Variants in MTHFD2 observed in about 807,000 individuals in gnomAD.
The protein encoded by MTHFD2 is methylenetetrahydrofolate dehydrogenase (NADP+ dependent) 2, methenyltetrahydrofolate cyclohydrolase.
Under a neutral mutation model 36.8 loss-of-function variants are expected in MTHFD2, and 26 were observed. The ratio of observed to expected loss-of-function variants is 0.71; its 90% CI spans 0.52 to 0.98. The LOEUF (loss-of-function observed/expected upper bound fraction) is 0.98. MTHFD2 is among the 50% of genes least tolerant of loss of function. The pLI, the probability that MTHFD2 is intolerant of heterozygous loss-of-function variation, is 0.00. For synonymous variants in MTHFD2, 164 were observed against 155.2 expected, an observed-to-expected ratio of 1.06 and a Z score of -0.42; for missense variants, 373 against 434.0, an observed-to-expected ratio of 0.86 and a Z score of 1.25.
rs1558853805 is a variant in MTHFD2, at chr2:74,205,713, CTGT to C, written c.114_116del (p.Val39del). 1 of 1,613,550 alleles carries C rather than the reference CTGT, an allele frequency of 6.2e-7. No individual in the cohort carries two copies. Among genetic ancestry groups the C allele is most frequent in the Non-Finnish European group, 8.5e-7 (1 of 1,179,926 alleles). On this transcript the variant is annotated inframe_deletion, in exon 2 of 8. Transcript: ENST00000394053. The stretch of plus-strand genomic sequence containing the variant: ...TCTGTTGCCTTCTGCAGAAATGAAG[CTGT>C]TGTCATTTCTGGAAGGAAACTGGCC...
chr2:74,211,093 A>G (rs1694295113), intron 5 of MTHFD2, 106 bp from the exon 6 acceptor site: 3 of 764,378 alleles, frequency 3.9e-6, no homozygotes, highest in Non-Finnish European at 6.7e-6. Flanking sequence ...CCGTAAGTCA[A>G]TTATTTTTCA....
At chr2:74,201,523 ATT>A (rs56236601) in intron 1 of MTHFD2, among the ~76,000 whole-genome samples, 1 of 145,886 alleles carries the variant, frequency 6.9e-6, no homozygotes, top group Non-Finnish European at 1.5e-5. Context: ...TGCCTGGCTA[ATT>A]TTTTTTTTTT....
intron 1 of MTHFD2, among the ~76,000 whole-genome samples, chr2:74,199,707 CAAAAAAAA>C (rs34436782): frequency 9.6e-6 from 1 of 103,630 alleles, no homozygotes; most frequent in Non-Finnish European, 2.0e-5. Context: ...GACCCTGTCT[CAAAAAAAA>C]AAAAAAAAAA....
At chr2:74,210,558 T>C (rs910940661) in intron 5 of MTHFD2, among the ~76,000 whole-genome samples, 2 of 152,244 alleles carry the variant, frequency 1.3e-5, no homozygotes, top group African/African-American at 4.8e-5. Context: ...TACTTTCAAC[T>C]ATCTTTCAAC....
chr2:74,206,322 T>G (rs1334159256), intron 2 of MTHFD2: 1 of 154,582 alleles, frequency 6.5e-6, no homozygotes, highest in Non-Finnish European at 1.4e-5. Flanking sequence ...AGTCGTAGAT[T>G]TGAAGGAAAT....
chr2:74,211,572 A>G (rs1239436984), intron 6 of MTHFD2, 169 bp from the exon 7 acceptor site: 1 of 626,902 alleles, frequency 1.6e-6, no homozygotes, highest in East Asian at 3.3e-5. Flanking sequence ...GTCAGGAGCC[A>G]AAATAAAAAA....
chr2:74,211,980 C>G, intron 7 of MTHFD2, 114 bp downstream of exon 7: 1 of 867,652 alleles, frequency 1.2e-6, no homozygotes, highest in Non-Finnish European at 1.5e-6. Context: ...ATGGGAGTCT[C>G]ACTCTGTTGC....
At position 74,214,059 on chromosome 2, in the gene MTHFD2, C is replaced by T; in HGVS notation, c.890-20C>T. 1 of 1,608,152 alleles carries T rather than the reference C, an allele frequency of 6.2e-7. No individual in the cohort carries two copies. Among genetic ancestry groups the T allele is most frequent in the Non-Finnish European group, 8.5e-7 (1 of 1,177,056 alleles). ...CCTTTGCCATAACTAAAGCAGCCTG[C>T]CTGTCTTGTTTCTATGTAGGAGTCA... is the stretch of plus-strand genomic sequence containing the variant. On this transcript the variant is annotated intron_variant, in intron 7 of 7. Transcript: ENST00000394053.
rs927606355 is a variant in MTHFD2, at chr2:74,205,869, C to T, written c.266C>T (p.Thr89Ile). The T allele has an allele frequency of 2.5e-6, 4 of 1,613,530 alleles. No homozygotes were observed. Among genetic ancestry groups the T allele is most frequent in the Non-Finnish European group, 2.5e-6 (3 of 1,179,866 alleles). ...AGTCACTCCTATGTCCTCAACAAAA[C>T]CAGGGCAGCTGCAGTTGTGGGTATG... ...PASHSYVLNK[T>I]RAAAVVGINS... Residue 89 changes from threonine (T) to isoleucine (I), a missense_variant, in exon 2 of 8, where the codon ACC becomes ATC. Around this residue, in one of 2 missense-constraint regions of MTHFD2, gnomAD observed 308 missense variants for 397.8 expected, o/e 0.77. Transcript: ENST00000394053.
chr2:74,213,968 T>G, intron 7 of MTHFD2, 111 bp from the exon 8 acceptor site: 1 of 1,220,008 alleles, frequency 8.2e-7, no homozygotes. Context: ...TTTTTGAGTT[T>G]TATGCTTATG....
chr2:74,199,290 G>A (rs1693984096), intron 1 of MTHFD2, among the ~76,000 whole-genome samples: 1 of 152,112 alleles, frequency 6.6e-6, no homozygotes, highest in Non-Finnish European at 1.5e-5. Context: ...GGCCCGCGCT[G>A]CCTCCGCTCT....
At chr2:74,208,883 GTTTTT>G (rs1050963711) in intron 4 of MTHFD2, among the ~76,000 whole-genome samples, 162 bp downstream of exon 4, 1 of 150,044 alleles carries the variant, frequency 6.7e-6, no homozygotes, top group Non-Finnish European at 1.5e-5. Context: ...TTTGTTTTTT[GTTTTT>G]TTTGAGACAG....
In MTHFD2 at chr2:74,208,934, C is replaced by A. The variant is rs190905790; in HGVS notation, c.562+213C>A. 4.5e-3 allele frequency among the ~76,000 whole-genome samples: 690 copies of A among 151,874 alleles called. 8 individuals are homozygous for A. The highest frequency in any genetic ancestry group is 0.018 in the South Asian group (87 of 4,812). ...TGTCACCCAGGCTGGAGTGCAGTGG[C>A]GCGATCTTGGCTCACTGCAGCCTCT... On this transcript the variant is annotated intron_variant, in intron 4 of 7. Coordinates refer to ENST00000394053, the MANE Select transcript of MTHFD2 (RefSeq NM_006636.4).
At chr2:74,213,528 T>C (rs1222640472) in intron 7 of MTHFD2, among the ~76,000 whole-genome samples, 4 of 152,020 alleles carry the variant, frequency 2.6e-5, no homozygotes, top group African/African-American at 7.2e-5. Flanking sequence ...CTCCCCCACC[T>C]CACACCCTGC....
intron 4 of MTHFD2, among the ~76,000 whole-genome samples, chr2:74,209,069 C>T (rs1345691979): frequency 7.3e-6 from 1 of 136,262 alleles, no homozygotes; most frequent in Non-Finnish European, 1.5e-5. Context: ...AGACAGGTTT[C>T]ACCATATTGA....
At position 74,207,631 on chromosome 2, in the gene MTHFD2, G is replaced by A; in HGVS notation, c.287-73G>A. ...GATACAAAACCCGTATGGTAGCCAAGTATGGTAGGCAACATAGCAGTGCTC... is the reference window on the plus strand; with the variant it reads ...GATACAAAACCCGTATGGTAGCCAAATATGGTAGGCAACATAGCAGTGCTC... On this transcript the variant is annotated intron_variant, in intron 2 of 7. Coordinates refer to ENST00000394053, the MANE Select transcript of MTHFD2 (RefSeq NM_006636.4). 2.1e-6 allele frequency: 3 copies of A among 1,418,172 alleles called. No homozygotes were observed. In the South Asian group the frequency reaches 4.0e-5, roughly 19 times the overall value. The allele number at this position is 1,418,172 out of a possible 1,614,324, so 87.8% of individuals were successfully genotyped here. A position where few individuals can be genotyped will look rare whatever the true frequency, so the allele number is the denominator to read the frequency against.
At chr2:74,207,601 G>A (rs546167907) in intron 2 of MTHFD2, 103 bp from the exon 3 acceptor site, 16 of 1,099,044 alleles carry the variant, frequency 1.5e-5, no homozygotes, top group Middle Eastern at 3.2e-4. Flanking sequence ...AGGGATGAGT[G>A]TGATGATACA....
Position 74,198,673 on chromosome 2 carries a change from C to G in MTHFD2, c.32C>G (p.Ala11Gly), listed in dbSNP as rs1289052040. ...GCGACTTCTCTAATGTCTGCTTTGGCTGCCCGGCTGCTGCAGCCCGCGCAC... is the reference window on the plus strand; with the variant it reads ...GCGACTTCTCTAATGTCTGCTTTGGGTGCCCGGCTGCTGCAGCCCGCGCAC... MAATSLMSAL[A>G]ARLLQPAHSC... Residue 11 changes from alanine (A) to glycine (G), a missense_variant, in exon 1 of 8, where the codon GCT becomes GGT. Ala to Gly is a moderately conservative substitution (Grantham distance 60). Coordinates refer to ENST00000394053, the MANE Select transcript of MTHFD2 (RefSeq NM_006636.4). 7 of 1,611,256 alleles carry G rather than the reference C, an allele frequency of 4.3e-6. No homozygotes were observed. Among genetic ancestry groups the G allele is most frequent in the Non-Finnish European group, 3.4e-6 (4 of 1,179,036 alleles).
At chr2:74,208,439 A>G (rs1694231248) in intron 3 of MTHFD2, 130 bp from the exon 4 acceptor site, 11 of 1,049,116 alleles carry the variant, frequency 1.0e-5, no homozygotes, top group Non-Finnish European at 1.6e-5. Flanking sequence ...AGTTCCTTCC[A>G]TGCAGATGAA....
Sources: gnomAD v4.1 joint callset for allele counts (sites outside exome capture counted in the v4.1 genomes callset) on GRCh38, gnomAD v4.1.1 for gene constraint, gnomAD v4.1.1 regional missense constraint, MANE v1.5 for transcripts, NCBI Gene and HGNC (gene_info 2026-07-23, HGNC 2026-07-21) for gene names.